MSH5: variants seen among roughly 807,000 people sequenced by gnomAD.
MSH5 encodes the protein mutS homolog 5.
MSH5 carries 78 observed loss-of-function variants against 107.7 expected under a neutral mutation model. The ratio of observed to expected loss-of-function variants is 0.72; its 90% CI spans 0.60 to 0.87. MSH5 has a LOEUF of 0.87. MSH5 is among the 40% of genes least tolerant of loss of function. The probability of loss-of-function intolerance (pLI) is 0.00; values close to 1 mark genes in which losing one functional copy is unlikely to be tolerated. For synonymous variants in MSH5, 326 were observed against 399.5 expected (o/e 0.82, Z 2.19); for missense variants, 889 against 1,046.6 (o/e 0.85, Z 2.08).
Position 31,740,501 on chromosome 6 carries a change from C to T in MSH5, c.35C>T (p.Pro12Leu). Residue 12 changes from proline (P) to leucine (L), a missense_variant, in exon 2 of 25, where the codon CCG (proline) becomes CTG (leucine). Around this residue, in one of 3 missense-constraint regions of MSH5, gnomAD observed 518 missense variants for 565.0 expected, o/e 0.92. Coordinates refer to ENST00000375750, the MANE Select transcript of MSH5 (RefSeq NM_172166.4). This position sits in a 1 kb window ranked among gnomAD's most constrained non-coding sequence, Gnocchi z 4.4. ...ASLGANPRRT[P>L]QGPRPGAASS... The stretch of plus-strand genomic sequence containing the variant: ...TTAGGAGCGAACCCAAGGAGGACAC[C>T]GCAGGGACCGAGACCTGGGGCGGCC... 1 of 1,567,542 alleles carries T rather than the reference C, an allele frequency of 6.4e-7. No homozygotes were observed. The highest frequency in any genetic ancestry group is 8.7e-7 in the Non-Finnish European group (1 of 1,155,882).
At chr6:31,746,553 C>T (rs565114603) in intron 9 of MSH5, among the ~76,000 whole-genome samples, 3 of 151,352 alleles carry the variant, frequency 2.0e-5, no homozygotes, top group Non-Finnish European at 1.5e-5. Context: ...ATTCTTCTGC[C>T]TCATCCTACC....
At chr6:31,746,846 G>A (rs1010006903) in intron 9 of MSH5, among the ~76,000 whole-genome samples, 27 of 151,830 alleles carry the variant, frequency 1.8e-4, no homozygotes, top group African/African-American at 5.8e-4. Flanking sequence ...GTTTTGAGAC[G>A]GAGTCTTGCT....
chr6:31,740,222 TA>T lies in MSH5; in HGVS notation c.-14+162del. The T allele has an allele frequency of 2.2e-6, 1 of 450,302 alleles. No individual in the cohort carries two copies. 27.9% of individuals were successfully genotyped at this position (450,302 alleles called of 1,614,324 possible). ...CCTCAGACCCCTTCCTTCCAAAGGG[TA>T]ACCTCCGCGTGACAGGAATGAGGGT... On this transcript the variant is annotated intron_variant, in intron 1 of 24. Coordinates refer to ENST00000375750, the MANE Select transcript of MSH5 (RefSeq NM_172166.4). The surrounding 1 kb of genome is among the most constrained non-coding windows in gnomAD (Gnocchi z 4.4).
chr6:31,752,056 G>A lies in MSH5; in HGVS notation c.813-1245G>A, dbSNP rs185514252. 2.9e-3 allele frequency among the ~76,000 whole-genome samples: 435 copies of A among 152,022 alleles called. 5 individuals are homozygous for A. Among genetic ancestry groups the A allele is most frequent in the African/African-American group, 9.8e-3 (406 of 41,440 alleles). ...AGAGGTTGCAGTGACCCGAGATCCC[G>A]CCACTGTACCCTAGCCTGGGCGACA... On this transcript the variant is annotated intron_variant, in intron 10 of 24. Coordinates refer to ENST00000375750, the MANE Select transcript of MSH5 (RefSeq NM_172166.4).
In MSH5 at chr6:31,761,160, T is replaced by C; in HGVS notation, c.1963-28T>C. ...TGCGTTACGGGCTTCCAATACTAAC[T>C]TTCCCTTGTCCACCTTATACCCAGC... On this transcript the variant is annotated intron_variant, in intron 20 of 24. Coordinates refer to ENST00000375750, the MANE Select transcript of MSH5 (RefSeq NM_172166.4). The surrounding 1 kb of genome is among the most constrained non-coding windows in gnomAD (Gnocchi z 5.3). The C allele has an allele frequency of 4.3e-6, 7 of 1,609,996 alleles. No homozygotes were observed. Among genetic ancestry groups the C allele is most frequent in the Non-Finnish European group, 5.1e-6 (6 of 1,177,868 alleles).
chr6:31,749,502 A>C (rs551869732), intron 10 of MSH5, among the ~76,000 whole-genome samples: 1 of 151,874 alleles, frequency 6.6e-6, no homozygotes, highest in East Asian at 2.0e-4. Flanking sequence ...AGATTGCCCC[A>C]CTGCACTCCA....
Position 31,744,574 on chromosome 6 carries a change from A to G in MSH5, c.676A>G (p.Thr226Ala). The G allele has an allele frequency of 1.9e-6, 3 of 1,613,174 alleles. No individual in the cohort carries two copies. Among genetic ancestry groups the G allele is most frequent in the Non-Finnish European group, 2.5e-6 (3 of 1,180,002 alleles). The change falls in exon 8 of 25, where the codon ACT becomes GCT. Residue 226 changes from threonine (T) to alanine (A), a missense_variant. By Grantham distance (58) the Thr-to-Ala change is moderately conservative. This residue lies in a region of MSH5 where 518 missense variants were observed against 565.0 expected (regional missense o/e 0.92). Coordinates refer to ENST00000375750, the MANE Select transcript of MSH5 (RefSeq NM_172166.4). ...TCATCTGGTGAACATAGATCAAGAC[A>G]CTTACAGGTAAAGAGGTGGAGGCAT... ...LTHLVNIDQDTYSVLQIFKSE... is the reference protein window; with the variant it reads ...LTHLVNIDQDAYSVLQIFKSE...
At position 31,761,206 on chromosome 6, in the gene MSH5, A is replaced by T. The variant is rs754835753; in HGVS notation, c.1981A>T (p.Asn661Tyr). Residue 661 changes from asparagine (N) to tyrosine (Y), a missense_variant, in exon 21 of 25, where the codon AAT becomes TAT. Coordinates refer to ENST00000375750, the MANE Select transcript of MSH5 (RefSeq NM_172166.4). The surrounding 1 kb of genome is among the most constrained non-coding windows in gnomAD (Gnocchi z 5.3). ...CCAGCAGGTGGCGAAAGCAGTGAAC[A>T]ATGCCACTGCACAGTCGCTGGTCCT... ...DLNQVAKAVN[N>Y]ATAQSLVLID... 6.2e-7 allele frequency: 1 copy of T among 1,613,872 alleles called. No individual in the cohort carries two copies. The highest frequency in any genetic ancestry group is 1.3e-5 in the African/African-American group (1 of 74,920).
At position 31,745,226 on chromosome 6, in the gene MSH5, C is replaced by T. The variant is rs1809321264; in HGVS notation, c.684-11C>T. On this transcript the variant is annotated splice_polypyrimidine_tract_variant and intron_variant, in intron 8 of 24. Coordinates refer to ENST00000375750, the MANE Select transcript of MSH5 (RefSeq NM_172166.4). ...CAAGTTACCCCAAACTCCTCCATTT[C>T]TCCTCGACAGTGTTCTACAGATTTT... The T allele has an allele frequency of 1.3e-6, 2 of 1,589,220 alleles. No individual in the cohort carries two copies. Among genetic ancestry groups the T allele is most frequent in the Non-Finnish European group, 1.7e-6 (2 of 1,158,630 alleles).
At chr6:31,745,116 A>AAG in intron 8 of MSH5, 121 bp from the exon 9 acceptor site, 1 of 625,106 alleles carries the variant, frequency 1.6e-6, no homozygotes. Context: ...AAAAAAAAAA[A>AAG]AAAAAAAAAA....
chr6:31,742,809 G>T (rs1324206280), intron 3 of MSH5, 68 bp from the exon 4 acceptor site: 22 of 1,465,536 alleles, frequency 1.5e-5, no homozygotes, highest in Non-Finnish European at 2.1e-5. Flanking sequence ...GAAGAGGAGG[G>T]CTATGGGTTT....
rs1281191689 is a variant in MSH5, at chr6:31,762,530, G to A, written c.2504G>A (p.Ter835=). The A allele has an allele frequency of 6.2e-7, 1 of 1,610,340 alleles. No individual in the cohort carries two copies. ...CTGCCTGCTGCCACCAGCATCCTCT[G>A]AGAGTCCTTCCAGTGTCCTCCCCAG... ...EVLPAATSIL[*] The change falls in exon 25 of 25, where the codon TGA becomes TAA. Residue 835 remains the stop codon, a stop_retained_variant. Coordinates refer to ENST00000375750, the MANE Select transcript of MSH5 (RefSeq NM_172166.4).
chr6:31,741,243 G>A lies in MSH5; in HGVS notation c.228G>A (p.Met76Ile), dbSNP rs1808848005. Residue 76 changes from methionine (M) to isoleucine (I), a missense_variant, in exon 3 of 25, where the codon ATG (methionine) becomes ATA (isoleucine). Coordinates refer to ENST00000375750, the MANE Select transcript of MSH5 (RefSeq NM_172166.4). ...YDTSDSTIHF[M>I]PDAPDHESLK... ...CTAGTGACTCCACTATCCACTTCATGCCAGATGCCCCAGACCACGAGAGCC... is the reference window on the plus strand; with the variant it reads ...CTAGTGACTCCACTATCCACTTCATACCAGATGCCCCAGACCACGAGAGCC... 1 of 1,612,550 alleles carries A rather than the reference G, an allele frequency of 6.2e-7. No homozygotes were observed. Among genetic ancestry groups the A allele is most frequent in the Non-Finnish European group, 8.5e-7 (1 of 1,179,944 alleles).
rs1808807126 is a variant in MSH5, at chr6:31,740,961, A to C, written c.148-202A>C. Among the ~76,000 whole-genome samples, 1 of 151,982 alleles carries C rather than the reference A, an allele frequency of 6.6e-6. No individual in the cohort carries two copies. The highest frequency in any genetic ancestry group is 2.4e-5 in the African/African-American group (1 of 41,404). ...GGGCGACAGAGCAAGACTCCGTCTC[A>C]AAGAAAGAAAGAAAAAAAAAACAGG... is the stretch of plus-strand genomic sequence containing the variant. On this transcript the variant is annotated intron_variant, in intron 2 of 24. Coordinates refer to ENST00000375750, the MANE Select transcript of MSH5 (RefSeq NM_172166.4). This position sits in a 1 kb window ranked among gnomAD's most constrained non-coding sequence, Gnocchi z 4.4.
Position 31,760,684 on chromosome 6 carries a change from A to G in MSH5, c.1813-6A>G, listed in dbSNP as rs1397396987. The G allele has an allele frequency of 1.2e-6, 2 of 1,612,788 alleles. No individual in the cohort carries two copies. Among genetic ancestry groups the G allele is most frequent in the Non-Finnish European group, 1.7e-6 (2 of 1,180,020 alleles). On this transcript the variant is annotated splice_polypyrimidine_tract_variant and splice_region_variant and intron_variant, in intron 19 of 24. Coordinates refer to ENST00000375750, the MANE Select transcript of MSH5 (RefSeq NM_172166.4). The surrounding 1 kb of genome is among the most constrained non-coding windows in gnomAD (Gnocchi z 5.6). ...GGCCCCAGGCCCTGTCTCCTTCCCT[A>G]TTCAGGTAGGCTTGATCACATTCAT... is the stretch of plus-strand genomic sequence containing the variant.
chr6:31,759,933 G>A lies in MSH5; in HGVS notation c.1643G>A (p.Arg548His), dbSNP rs773121271. 3.2e-5 allele frequency: 51 copies of A among 1,614,082 alleles called. 1 individual carries two copies. The South Asian group carries it at 3.8e-4, about 12-fold the overall frequency. The change falls in exon 18 of 25, where the codon CGT (arginine) becomes CAT (histidine). Residue 548 changes from arginine to histidine, a missense_variant. Arg to His is a conservative substitution (Grantham distance 29). Coordinates refer to ENST00000375750, the MANE Select transcript of MSH5 (RefSeq NM_172166.4). This position sits in a 1 kb window ranked among gnomAD's most constrained non-coding sequence, Gnocchi z 4.7. ...CGGGACTATGGCTACTCAAGGCCGCGTTACTCCCCACAAGTCCTTGGGGTA... is the reference window on the plus strand; with the variant it reads ...CGGGACTATGGCTACTCAAGGCCGCATTACTCCCCACAAGTCCTTGGGGTA... ...AARDYGYSRP[R>H]YSPQVLGVRI...
intron 10 of MSH5, among the ~76,000 whole-genome samples, chr6:31,748,585 G>T (rs541964647): frequency 6.6e-6 from 1 of 151,736 alleles, no homozygotes; most frequent in Non-Finnish European, 1.5e-5. Flanking sequence ...CTGGTGATCC[G>T]CCCACCTCGG....
chr6:31,758,005 T>G lies in MSH5; in HGVS notation c.1015-160T>G, dbSNP rs16900020. 1 of 807,930 alleles carries G rather than the reference T, an allele frequency of 1.2e-6. No homozygotes were observed. The highest frequency in any genetic ancestry group is 2.6e-5 in the East Asian group (1 of 38,392). 50.0% of individuals were successfully genotyped at this position (807,930 alleles called of 1,614,324 possible). ...CTTAATTGTCTTTGTAGTTTCAGTG[T>G]TTGGTACAGTGCCTCTCACTGTTTC... On this transcript the variant is annotated intron_variant, in intron 12 of 24. Transcript: ENST00000375750. This position sits in a 1 kb window ranked among gnomAD's most constrained non-coding sequence, Gnocchi z 5.1.
chr6:31,741,439 C>T (rs1270038255), intron 3 of MSH5, among the ~76,000 whole-genome samples, 153 bp downstream of exon 3: 4 of 151,876 alleles, frequency 2.6e-5, no homozygotes, highest in South Asian at 2.1e-4. Context: ...AGTGCAGTGG[C>T]GCAATCTTGG....
Sources: gnomAD v4.1 joint callset for allele counts (sites outside exome capture counted in the v4.1 genomes callset) on GRCh38, gnomAD v4.1.1 for gene constraint, gnomAD v4.1.1 regional missense constraint, Gnocchi (gnomAD v3.1) non-coding constraint, MANE v1.5 for transcripts, NCBI Gene and HGNC (gene_info 2026-07-23, HGNC 2026-07-21) for gene names.